Variants in HS3ST5 observed in about 807,000 individuals in gnomAD.
HS3ST5 encodes heparan sulfate-glucosamine 3-sulfotransferase 5.
A neutral mutation model predicts 25.4 loss-of-function variants in HS3ST5; 10 were observed. The observed-to-expected ratio is 0.39, with a 90% CI of 0.24 to 0.67. The LOEUF (loss-of-function observed/expected upper bound fraction) is 0.67. HS3ST5 is among the 30% of genes least tolerant of loss of function. The probability of loss-of-function intolerance (pLI) is 0.44; values close to 1 mark genes in which losing one functional copy is unlikely to be tolerated. For missense variants in HS3ST5, 324 were observed against 420.7 expected, an observed-to-expected ratio of 0.77 and a Z score of 2.01; for synonymous variants, 170 against 162.4, an observed-to-expected ratio of 1.05 and a Z score of -0.36.
In HS3ST5 at chr6:114,141,858, T is replaced by TTGTG. The variant is rs59862071; in HGVS notation, c.-33+26489_-33+26492dup. Among the ~76,000 whole-genome samples the TTGTG allele has an allele frequency of 4.1e-3, 581 of 141,352 alleles. 5 individuals are homozygous for TTGTG. The highest frequency in any genetic ancestry group is 0.014 in the African/African-American group (544 of 38,200). The allele number at this position is 141,352 out of a possible 152,430, so 92.7% of individuals were successfully genotyped here. ...TTTCTGCTCTATCTAAGATGATAGT[T>TTGTG]TGTGTGTGTGTGTGTGTGTGTGTGT... On this transcript the variant is annotated intron_variant, in intron 3 of 4. Coordinates refer to ENST00000312719, the MANE Select transcript of HS3ST5 (RefSeq NM_153612.4).
intron 1 of HS3ST5, among the ~76,000 whole-genome samples, chr6:114,323,508 A>G (rs942676466): frequency 6.6e-6 from 1 of 152,134 alleles, no homozygotes; most frequent in Non-Finnish European, 1.5e-5. Flanking sequence ...AATCAGAAAG[A>G]TAAGGAGTTC....
At chr6:114,090,293 C>A (rs1486332139) in intron 3 of HS3ST5, among the ~76,000 whole-genome samples, 1 of 152,122 alleles carries the variant, frequency 6.6e-6, no homozygotes, top group Non-Finnish European at 1.5e-5. Flanking sequence ...CATAATTTGG[C>A]AATCTGGTTT....
chr6:114,334,081 A>G (rs1302751921), intron 1 of HS3ST5, among the ~76,000 whole-genome samples: 1 of 152,180 alleles, frequency 6.6e-6, no homozygotes, highest in East Asian at 1.9e-4. Flanking sequence ...CACACTAAGG[A>G]GCTCTGTGTC....
chr6:114,296,789 G>A (rs1419594531), intron 1 of HS3ST5, among the ~76,000 whole-genome samples: 1 of 152,182 alleles, frequency 6.6e-6, no homozygotes, highest in Admixed American at 6.5e-5. Flanking sequence ...CAATGTAAAT[G>A]AAAGCTCCTG....
At chr6:114,107,254 T>TAAATCAA (rs1776040754) in intron 3 of HS3ST5, among the ~76,000 whole-genome samples, 1 of 152,180 alleles carries the variant, frequency 6.6e-6, no homozygotes, top group African/African-American at 2.4e-5. Context: ...TCAAATAGTG[T>TAAATCAA]AACTTATCAG....
intron 3 of HS3ST5, among the ~76,000 whole-genome samples, chr6:114,110,578 G>T (rs990298397): frequency 6.6e-6 from 1 of 152,192 alleles, no homozygotes; most frequent in African/African-American, 2.4e-5. Flanking sequence ...AAGGCCAAAA[G>T]AAATCAGAAA....
intron 2 of HS3ST5, among the ~76,000 whole-genome samples, chr6:114,174,962 C>T (rs575629085): frequency 9.6e-4 from 146 of 152,144 alleles, no homozygotes; most frequent in African/African-American, 3.4e-3. Flanking sequence ...CACTGCACTC[C>T]AGCCTGGTGA....
At chr6:114,161,832 T>A (rs544022742) in intron 3 of HS3ST5, among the ~76,000 whole-genome samples, 4 of 151,528 alleles carry the variant, frequency 2.6e-5, no homozygotes, top group African/African-American at 9.7e-5. Flanking sequence ...TATACAAATA[T>A]ATTTTGAAGA....
intron 3 of HS3ST5, among the ~76,000 whole-genome samples, chr6:114,103,119 T>C (rs1317569531): frequency 6.6e-6 from 1 of 152,252 alleles, no homozygotes; most frequent in Non-Finnish European, 1.5e-5. Flanking sequence ...TCTCAGCTAC[T>C]TGCCTGCATT....
At chr6:114,332,812 G>T (rs2114922011) in intron 1 of HS3ST5, among the ~76,000 whole-genome samples, 1 of 152,114 alleles carries the variant, frequency 6.6e-6, no homozygotes, top group South Asian at 2.1e-4. Flanking sequence ...AAGATAAGAG[G>T]TTAGACAAGC....
chr6:114,145,024 C>A (rs535618812), intron 3 of HS3ST5, among the ~76,000 whole-genome samples: 2 of 152,320 alleles, frequency 1.3e-5, no homozygotes, highest in Admixed American at 1.3e-4. Flanking sequence ...GGAAATTACT[C>A]TCACTTGTGC....
At chr6:114,312,065 CT>C (rs1463335160) in intron 1 of HS3ST5, among the ~76,000 whole-genome samples, 1 of 152,146 alleles carries the variant, frequency 6.6e-6, no homozygotes. Flanking sequence ...CTTGTCTTTT[CT>C]TTCCTCTAGC....
intron 1 of HS3ST5, among the ~76,000 whole-genome samples, chr6:114,335,055 T>G (rs1051685421): frequency 1.3e-5 from 2 of 152,098 alleles, no homozygotes; most frequent in African/African-American, 2.4e-5. Context: ...CAGAAAATAC[T>G]TGGGGGCTAA....
intron 1 of HS3ST5, among the ~76,000 whole-genome samples, chr6:114,326,799 A>G (rs1401861567): frequency 6.6e-6 from 1 of 152,112 alleles, no homozygotes; most frequent in African/African-American, 2.4e-5. Flanking sequence ...AAATTTGTCA[A>G]TGCCCTTGAA....
chr6:114,077,735 C>T (rs912038967), intron 3 of HS3ST5, among the ~76,000 whole-genome samples: 12 of 152,260 alleles, frequency 7.9e-5, no homozygotes, highest in Admixed American at 5.9e-4. Flanking sequence ...GTAGTATTCA[C>T]TACCAGACAG....
chr6:114,220,692 A>G (rs1781989322), intron 2 of HS3ST5: 1 of 151,988 alleles, frequency 6.6e-6, no homozygotes, highest in Admixed American at 6.6e-5. Flanking sequence ...ATCTCCAGAG[A>G]TCATTCTTCT....
At chr6:114,297,365 C>G (rs1374739939) in intron 1 of HS3ST5, among the ~76,000 whole-genome samples, 1 of 152,092 alleles carries the variant, frequency 6.6e-6, no homozygotes, top group South Asian at 2.1e-4. Context: ...TTCGGATACG[C>G]AGGGAACACC....
At chr6:114,255,555 A>G (rs1772867575) in intron 1 of HS3ST5, among the ~76,000 whole-genome samples, 1 of 152,158 alleles carries the variant, frequency 6.6e-6, no homozygotes, top group South Asian at 2.1e-4. Flanking sequence ...GCACTGCCCT[A>G]ACAGAGGTTC....
chr6:114,181,579 GA>G (rs926708464), intron 2 of HS3ST5, among the ~76,000 whole-genome samples: 1 of 151,994 alleles, frequency 6.6e-6, no homozygotes, highest in African/African-American at 2.4e-5. Flanking sequence ...TTATCACAAA[GA>G]AAAAAATAAC....
Sources: gnomAD v4.1 joint callset for allele counts (sites outside exome capture counted in the v4.1 genomes callset) on GRCh38, gnomAD v4.1.1 for gene constraint, MANE v1.5 for transcripts, NCBI Gene and HGNC (gene_info 2026-07-23, HGNC 2026-07-21) for gene names.